The following CLIC5 variants were observed in gnomAD, a reference collection of about 807,000 sequenced individuals.
CLIC5 encodes chloride intracellular channel protein 5.
In CLIC5, 20 loss-of-function variants were observed where a neutral mutation model predicts 24.7. That is an observed-to-expected ratio of 0.81 (90% CI 0.57 to 1.18). CLIC5 has a LOEUF of 1.18. CLIC5 is among the 50% of genes most tolerant of loss of function. The pLI, the probability that CLIC5 is intolerant of heterozygous loss-of-function variation, is 0.00. For missense variants in CLIC5, 341 were observed against 326.1 expected, an observed-to-expected ratio of 1.05 and a Z score of -0.35; for synonymous variants, 159 against 135.6, an observed-to-expected ratio of 1.17 and a Z score of -1.20.
At chr6:46,009,919 A>T (rs147180610) in intron 1 of CLIC5, among the ~76,000 whole-genome samples, 1 of 152,308 alleles carries the variant, frequency 6.6e-6, no homozygotes, top group African/African-American at 2.4e-5. Flanking sequence ...CCCTGTAGTC[A>T]GTCCAACCAC....
chr6:45,890,616 T>C (rs916134962), intron 6 of CLIC5, among the ~76,000 whole-genome samples: 5 of 152,210 alleles, frequency 3.3e-5, no homozygotes, highest in African/African-American at 1.2e-4. Flanking sequence ...TGCACTCCCA[T>C]GTTCATTGCA....
the CLIC5 span, among the ~76,000 whole-genome samples, chr6:46,108,841 C>G: frequency 6.6e-6 from 1 of 152,086 alleles, no homozygotes; most frequent in Non-Finnish European, 1.5e-5. Context: ...GAGCACTTTC[C>G]AAAATCATAT....
chr6:45,962,221 G>T (rs1764870080), intron 1 of CLIC5, among the ~76,000 whole-genome samples: 1 of 150,510 alleles, frequency 6.6e-6, no homozygotes. Flanking sequence ...ATACATATCA[G>T]TTGGGGTGTG....
chr6:45,935,572 G>C (rs912967087), intron 4 of CLIC5, among the ~76,000 whole-genome samples: 10 of 152,174 alleles, frequency 6.6e-5, no homozygotes, highest in African/African-American at 2.4e-4. Flanking sequence ...CTGCAAGATT[G>C]AAAAAGTGAA....
chr6:45,993,836 G>C (rs984824619), intron 1 of CLIC5, among the ~76,000 whole-genome samples: 1 of 152,176 alleles, frequency 6.6e-6, no homozygotes, highest in Non-Finnish European at 1.5e-5. Flanking sequence ...CCAAATACAC[G>C]AATTCTTTCT....
the CLIC5 span, among the ~76,000 whole-genome samples, chr6:46,112,975 G>C: frequency 1.3e-5 from 2 of 152,118 alleles, no homozygotes; most frequent in African/African-American, 4.8e-5. Flanking sequence ...AGAATCACTT[G>C]AACCCAGGAG....
chr6:45,980,439 T>C lies in CLIC5; in HGVS notation c.64-25195A>G, dbSNP rs9349340. Among the ~76,000 whole-genome samples, 602 of 152,076 alleles carry C rather than the reference T, an allele frequency of 4.0e-3. 26 individuals carry two copies. In the East Asian group the frequency reaches 0.1, roughly 25 times the overall value. On this transcript the variant is annotated intron_variant, in intron 1 of 5. Transcript: ENST00000339561. Reference sequence around the variant, plus strand: ...GGGTAGAGTGGGAGTGGGGTGAGCATTGGAAAACTACCTATTGTGTACTAT... The same window carrying C: ...GGGTAGAGTGGGAGTGGGGTGAGCACTGGAAAACTACCTATTGTGTACTAT...
chr6:45,913,825 A>T (rs1762909380), intron 5 of CLIC5: 1 of 1,231,058 alleles, frequency 8.1e-7, no homozygotes, highest in African/African-American at 1.6e-5. Flanking sequence ...GTGCACAAAG[A>T]AAAAATGCAT....
At chr6:46,026,451 A>G (rs1325636659) in intron 1 of CLIC5, among the ~76,000 whole-genome samples, 2 of 152,138 alleles carry the variant, frequency 1.3e-5, no homozygotes, top group African/African-American at 2.4e-5. Context: ...TCTTTAATCT[A>G]TATTCAGGAA....
intron 1 of CLIC5, among the ~76,000 whole-genome samples, chr6:45,958,080 A>T (rs777025599): frequency 5.9e-5 from 9 of 152,120 alleles, no homozygotes; most frequent in Non-Finnish European, 1.3e-4. Flanking sequence ...TTGCAGGTGG[A>T]ATCAACTTGA....
intron 1 of CLIC5, among the ~76,000 whole-genome samples, chr6:45,959,849 T>C (rs1338778971): frequency 6.6e-6 from 1 of 152,174 alleles, no homozygotes; most frequent in Non-Finnish European, 1.5e-5. Context: ...TTAGAAGACA[T>C]GTATGCAAAG....
chr6:46,031,083 C>T (rs1767485346), intron 1 of CLIC5, among the ~76,000 whole-genome samples: 1 of 152,214 alleles, frequency 6.6e-6, no homozygotes, highest in Admixed American at 6.5e-5. Context: ...TCTCTGTCTA[C>T]ATTTACTCAT....
At chr6:45,947,045 G>A (rs1764311854) in intron 3 of CLIC5, among the ~76,000 whole-genome samples, 1 of 152,232 alleles carries the variant, frequency 6.6e-6, no homozygotes, top group African/African-American at 2.4e-5. Flanking sequence ...AGAGGAGGGA[G>A]TGGAGGGAGG....
rs185089550 is a variant in CLIC5 at position 45,978,493 on chromosome 6, T to G, written c.64-23249A>C. 4.3e-4 allele frequency among the ~76,000 whole-genome samples: 66 copies of G among 152,346 alleles called. No individual in the cohort carries two copies. The East Asian group carries it at 0.012, about 28-fold the overall frequency. ...TATTTATTAAGAACTTCTAGAACAG[T>G]GGTTCTCCAATGTTAGCATGCATCA... On this transcript the variant is annotated intron_variant, in intron 1 of 5. Coordinates refer to ENST00000339561, the MANE Select transcript of CLIC5 (RefSeq NM_016929.5).
At chr6:46,094,924 G>A in the CLIC5 span, among the ~76,000 whole-genome samples, 1 of 152,224 alleles carries the variant, frequency 6.6e-6, no homozygotes, top group East Asian at 1.9e-4. Flanking sequence ...GCTTCTGCCT[G>A]CACATTCACA....
chr6:45,945,116 A>G (rs1171442517), intron 3 of CLIC5, among the ~76,000 whole-genome samples: 1 of 152,130 alleles, frequency 6.6e-6, no homozygotes, highest in Non-Finnish European at 1.5e-5. Context: ...TGTCTGTACA[A>G]TTGCACCTGG....
intron 1 of CLIC5, among the ~76,000 whole-genome samples, chr6:46,035,444 C>A (rs978338376): frequency 3.3e-5 from 5 of 152,188 alleles, no homozygotes; most frequent in African/African-American, 1.2e-4. Flanking sequence ...TGCCTCAATG[C>A]CTTTTAAACA....
At chr6:46,084,087 A>C (rs1237219583), upstream of CLIC5, among the ~76,000 whole-genome samples, 1 of 152,110 alleles carries the variant, frequency 6.6e-6, no homozygotes, top group Non-Finnish European at 1.5e-5. Flanking sequence ...ATCAGAGACT[A>C]GGATTGCAAC....
At chr6:45,919,633 GT>G (rs1256013671) in intron 4 of CLIC5, among the ~76,000 whole-genome samples, 8 of 152,308 alleles carry the variant, frequency 5.3e-5, no homozygotes, top group African/African-American at 1.7e-4. Flanking sequence ...CAGTACAACT[GT>G]TTCTACTCTG....
Sources: allele counts gnomAD v4.1 joint callset (sites outside exome capture counted in the v4.1 genomes callset), GRCh38; gene constraint gnomAD v4.1.1; transcripts MANE v1.5; gene names NCBI Gene and HGNC (gene_info 2026-07-23, HGNC 2026-07-21).